The following TOP3A variants were observed in gnomAD, a reference collection of about 807,000 sequenced individuals.
TOP3A encodes the protein DNA topoisomerase 3-alpha.
A neutral mutation model predicts 111.3 loss-of-function variants in TOP3A; 64 were observed. The ratio of observed to expected loss-of-function variants is 0.57; its 90% CI spans 0.47 to 0.71. The LOEUF is 0.71. TOP3A is among the 30% of genes least tolerant of loss of function. The pLI, the probability that TOP3A is intolerant of heterozygous loss-of-function variation, is 0.00. For synonymous variants in TOP3A, 484 were observed against 485.1 expected (o/e 1.00, Z 0.03); for missense variants, 1,104 against 1,285.0 (o/e 0.86, Z 2.15).
At chr17:18,282,410 A>C (rs1979815089) in intron 16 of TOP3A, among the ~76,000 whole-genome samples, 1 of 152,198 alleles carries the variant, frequency 6.6e-6, no homozygotes, top group African/African-American at 2.4e-5. Flanking sequence ...TCTGAAGCTC[A>C]TGCTCCTCCA....
intron 9 of TOP3A, among the ~76,000 whole-genome samples, chr17:18,295,634 T>C (rs9893254): frequency 0.055 from 8,183 of 149,760 alleles, 637 homozygotes; most frequent in African/African-American, 0.18. Context: ...AATTCTTGTG[T>C]TTTCAGTAGA....
chr17:18,277,722 T>C lies in TOP3A; in HGVS notation c.2780A>G (p.Glu927Gly). The change falls in exon 18 of 19, where the codon GAG (glutamate) becomes GGG (glycine). Residue 927 changes from glutamate (E) to glycine (G), a missense_variant. Glu to Gly is a moderately conservative substitution (Grantham distance 98). Coordinates refer to ENST00000321105, the MANE Select transcript of TOP3A (RefSeq NM_004618.5). ...CCACTGGAAAAAGCCACACTGCTGCTCTCTCGGCTTGGCACATGTGTGGAA... is the reference window on the plus strand; with the variant it reads ...CCACTGGAAAAAGCCACACTGCTGCCCTCTCGGCTTGGCACATGTGTGGAA... ...RQFHTCAKPR[E>G]QQCGFFQWVD... The C allele has an allele frequency of 6.2e-6, 10 of 1,613,764 alleles. No individual in the cohort carries two copies. Among genetic ancestry groups the C allele is most frequent in the Non-Finnish European group, 8.5e-6 (10 of 1,179,714 alleles).
intron 13 of TOP3A, 38 bp downstream of exon 13, chr17:18,290,519 A>G (rs765131234): frequency 6.6e-7 from 1 of 1,522,228 alleles, no homozygotes; most frequent in Non-Finnish European, 8.8e-7. Flanking sequence ...TGTAAGCCTT[A>G]GCTCAAGAGA....
chr17:18,280,448 C>T (rs548006444), intron 17 of TOP3A, 88 bp downstream of exon 17: 13 of 1,484,902 alleles, frequency 8.8e-6, no homozygotes, highest in Admixed American at 4.0e-5. Context: ...GTGGAATCCC[C>T]GACACTCCTC....
rs1979903743 is a variant in TOP3A, at chr17:18,283,592, C to T, written c.1878-751G>A. On this transcript the variant is annotated intron_variant, in intron 15 of 18. Coordinates refer to ENST00000321105, the MANE Select transcript of TOP3A (RefSeq NM_004618.5). ...TACACCAAGCAACTCTCCCGCCACA[C>T]ACCAGTTGGACATCCTCTAATTCAA... 2.0e-5 allele frequency among the ~76,000 whole-genome samples: 3 copies of T among 152,182 alleles called. No homozygotes were observed. The South Asian group carries it at 6.2e-4, about 31-fold the overall frequency.
intron 13 of TOP3A, among the ~76,000 whole-genome samples, chr17:18,289,723 G>A (rs1241949924): frequency 1.3e-5 from 2 of 152,190 alleles, no homozygotes; most frequent in African/African-American, 2.4e-5. Context: ...AAATCATGAC[G>A]GGTGAACCTC....
At chr17:18,286,331 G>A (rs375070597) in intron 13 of TOP3A, among the ~76,000 whole-genome samples, 30 of 136,312 alleles carry the variant, frequency 2.2e-4, no homozygotes, top group African/African-American at 7.5e-4. Flanking sequence ...GTGAAACCCC[G>A]TCTCTACTAA....
chr17:18,297,168 C>CT (rs1251097883), intron 9 of TOP3A, among the ~76,000 whole-genome samples: 3 of 152,144 alleles, frequency 2.0e-5, no homozygotes, highest in Non-Finnish European at 4.4e-5. Flanking sequence ...GCTCACGCCT[C>CT]TAATCCCAGC....
chr17:18,314,221 A>C (rs1471129107), intron 1 of TOP3A, among the ~76,000 whole-genome samples: 1 of 152,146 alleles, frequency 6.6e-6, no homozygotes, highest in African/African-American at 2.4e-5. Context: ...AGTTAAGGGA[A>C]TCTGGTCAGT....
intron 13 of TOP3A, 117 bp downstream of exon 13, chr17:18,290,440 T>C: frequency 6.7e-6 from 8 of 1,187,912 alleles, no homozygotes; most frequent in Non-Finnish European, 9.0e-6. Flanking sequence ...AACTATAAAA[T>C]GGGATAAAGA....
chr17:18,308,663 A>C, intron 2 of TOP3A: 1 of 476,278 alleles, frequency 2.1e-6, no homozygotes, highest in Admixed American at 4.0e-5. Context: ...AAACTATTGT[A>C]TATTAGCTTT....
At chr17:18,308,670 CTTT>C in intron 2 of TOP3A, 1 of 408,090 alleles carries the variant, frequency 2.5e-6, no homozygotes, top group Non-Finnish European at 4.3e-6. Flanking sequence ...TGTATATTAG[CTTT>C]TTTTTTTTGT....
At chr17:18,291,363 A>G (rs1980466503) in intron 11 of TOP3A, among the ~76,000 whole-genome samples, 2 of 152,256 alleles carry the variant, frequency 1.3e-5, no homozygotes, top group African/African-American at 4.8e-5. Flanking sequence ...AGACAGCAAC[A>G]TTGCACCTGG....
intron 13 of TOP3A, among the ~76,000 whole-genome samples, chr17:18,288,007 CAACAAAAAA>C (rs1980215016): frequency 6.6e-6 from 1 of 150,404 alleles, no homozygotes; most frequent in African/African-American, 2.4e-5. Flanking sequence ...CTCAAACAAA[CAACAAAAAA>C]AACAAAAAAA....
chr17:18,285,805 G>C (rs1980058200), intron 13 of TOP3A, among the ~76,000 whole-genome samples: 1 of 152,298 alleles, frequency 6.6e-6, no homozygotes, highest in Non-Finnish European at 1.5e-5. Context: ...TGCAGCTTGT[G>C]TCCCTATTTC....
intron 3 of TOP3A, chr17:18,307,215 G>A: frequency 2.7e-6 from 1 of 364,460 alleles, no homozygotes; most frequent in Non-Finnish European, 5.0e-6. Flanking sequence ...GCATGAAAAA[G>A]GTCTGGCAAT....
chr17:18,305,444 C>T (rs988371379), intron 4 of TOP3A, among the ~76,000 whole-genome samples: 2 of 151,564 alleles, frequency 1.3e-5, no homozygotes, highest in African/African-American at 4.9e-5. Context: ...ATATAACTTC[C>T]CCAATATGAC....
chr17:18,276,164 C>T (rs1210637227), intron 18 of TOP3A, among the ~76,000 whole-genome samples: 3 of 152,276 alleles, frequency 2.0e-5, no homozygotes, highest in Non-Finnish European at 4.4e-5. Context: ...AGGCAGAAAC[C>T]CAAGCAAGCT....
intron 4 of TOP3A, among the ~76,000 whole-genome samples, chr17:18,306,225 A>T (rs957253243): frequency 3.3e-5 from 5 of 152,218 alleles, no homozygotes; most frequent in African/African-American, 9.6e-5. Context: ...ATAAATAAAT[A>T]AAAATTAAAA....
Sources: gnomAD v4.1 joint callset for allele counts (sites outside exome capture counted in the v4.1 genomes callset) on GRCh38, gnomAD v4.1.1 for gene constraint, MANE v1.5 for transcripts, NCBI Gene and HGNC (gene_info 2026-07-23, HGNC 2026-07-21) for gene names.